The following MYOT variants were observed in gnomAD, a reference collection of about 807,000 sequenced individuals.
MYOT encodes myotilin.
Under a neutral mutation model 58.0 loss-of-function variants are expected in MYOT, and 36 were observed. The ratio of observed to expected loss-of-function variants is 0.62; its 90% CI spans 0.48 to 0.82. The LOEUF is 0.82. Among genes scored for constraint, MYOT ranks in the 40% least tolerant of loss-of-function variants. The pLI is 0.00. For synonymous variants in MYOT, 218 were observed against 204.6 expected (o/e 1.07, Z -0.56); for missense variants, 505 against 592.1 (o/e 0.85, Z 1.53).
At position 137,875,994 on chromosome 5, in the gene MYOT, T is replaced by C. The variant is rs2149982065; in HGVS notation, c.522T>C (p.Asn174=). ...AATGCAAGGACACCCTTCTTCATAA[T>C]GGAAATCAAGTGGGCAAGATGTCTA... ...KLKCKDTLLH[N]GNQRLTYEEK... Residue 174 remains asparagine (N), a synonymous_variant, in exon 3 of 10, where the codon AAT becomes AAC. Transcript: ENST00000239926. 6.2e-7 allele frequency: 1 copy of C among 1,613,958 alleles called. No homozygotes were observed. The highest frequency in any genetic ancestry group is 8.5e-7 in the Non-Finnish European group (1 of 1,179,950).
intron 4 of MYOT, 36 bp from the exon 5 acceptor site, chr5:137,880,780 T>C: frequency 1.9e-6 from 3 of 1,551,522 alleles, no homozygotes. Context: ...AGCTAACAAT[T>C]GCATGTAAAC....
At chr5:137,886,417 A>T (rs910971683) in intron 8 of MYOT, among the ~76,000 whole-genome samples, 1 of 152,228 alleles carries the variant, frequency 6.6e-6, no homozygotes, top group Non-Finnish European at 1.5e-5. Flanking sequence ...TGTAAGGCAT[A>T]AAGTAGACTA....
chr5:137,883,240 T>C (rs1755491397), intron 6 of MYOT, 144 bp from the exon 7 acceptor site: 1 of 680,902 alleles, frequency 1.5e-6, no homozygotes, highest in Non-Finnish European at 2.6e-6. Flanking sequence ...TTTAAAAAAT[T>C]ATAAATACTT....
intron 1 of MYOT, among the ~76,000 whole-genome samples, chr5:137,868,445 C>G (rs1352905538): frequency 6.6e-6 from 1 of 152,056 alleles, no homozygotes; most frequent in Non-Finnish European, 1.5e-5. Context: ...ACAGTAACTA[C>G]AAACATAAAG....
At chr5:137,884,752 C>A (rs1755541759) in intron 7 of MYOT, among the ~76,000 whole-genome samples, 1 of 152,040 alleles carries the variant, frequency 6.6e-6, no homozygotes, top group Non-Finnish European at 1.5e-5. Flanking sequence ...CTTCTGGTCC[C>A]AAGCATTTCA....
chr5:137,871,718 T>G (rs191448427), intron 2 of MYOT, among the ~76,000 whole-genome samples: 3 of 152,224 alleles, frequency 2.0e-5, no homozygotes, highest in African/African-American at 7.2e-5. Context: ...TGTAAACATG[T>G]GCTATTTCCA....
intron 3 of MYOT, 70 bp from the exon 4 acceptor site, chr5:137,877,450 T>A: frequency 1.1e-6 from 1 of 947,610 alleles, no homozygotes. Flanking sequence ...CCTATAGTAG[T>A]GGTTTTAAGG....
At chr5:137,881,022 C>T (rs779574125) in intron 5 of MYOT, among the ~76,000 whole-genome samples, 157 bp downstream of exon 5, 53 of 152,022 alleles carry the variant, frequency 3.5e-4, no homozygotes, top group South Asian at 6.2e-4. Context: ...AAAATTTTGA[C>T]GTTCATCATC....
intron 5 of MYOT, among the ~76,000 whole-genome samples, chr5:137,881,116 A>G (rs1755416341): frequency 6.6e-6 from 1 of 152,208 alleles, no homozygotes; most frequent in Non-Finnish European, 1.5e-5. Context: ...TCTCATGACA[A>G]TGGAGACCTA....
At chr5:137,875,178 T>C (rs749656933) in intron 2 of MYOT, among the ~76,000 whole-genome samples, 1 of 152,070 alleles carries the variant, frequency 6.6e-6, no homozygotes, top group Non-Finnish European at 1.5e-5. Flanking sequence ...AAGAACAAAA[T>C]TACGTCCTTT....
intron 6 of MYOT, chr5:137,882,885 T>C (rs920734518): frequency 2.5e-5 from 4 of 157,752 alleles, no homozygotes; most frequent in African/African-American, 9.6e-5. Context: ...CTCAAGTTAG[T>C]GTTAAAGCTT....
chr5:137,870,813 C>T lies in MYOT; in HGVS notation c.162C>T (p.Ala54=), dbSNP rs1755025934. 1 of 1,614,150 alleles carries T rather than the reference C, an allele frequency of 6.2e-7. No homozygotes were observed. Among genetic ancestry groups the T allele is most frequent in the Non-Finnish European group, 8.5e-7 (1 of 1,180,032 alleles). Residue 54 remains alanine (A), a synonymous_variant, in exon 2 of 10, where the codon GCC becomes GCT. Transcript: ENST00000239926. ...AGTGTACAGAGCAAAGATTTTCTGCCTCCTCAACACTGAGCTCTCACATCA... is the reference window on the plus strand; with the variant it reads ...AGTGTACAGAGCAAAGATTTTCTGCTTCCTCAACACTGAGCTCTCACATCA... The part of the protein sequence containing the change: ...PRQCTEQRFS[A]SSTLSSHITM...
rs1439124724 is a variant in MYOT, at chr5:137,886,205, C to G, written c.1182C>G (p.Asp394Glu). 1.2e-6 allele frequency: 2 copies of G among 1,608,300 alleles called. No homozygotes were observed. Among genetic ancestry groups the G allele is most frequent in the Non-Finnish European group, 1.7e-6 (2 of 1,175,708 alleles). ...ATGAAATGGTACAATTCAACACTGA[C>G]CGAATAAGGTAGGATATGTATTTCT... ...RNNEMVQFNTDRISLYQDNTG... is the reference protein window; with the variant it reads ...RNNEMVQFNTERISLYQDNTG... Residue 394 changes from aspartate (D) to glutamate (E), a missense_variant, in exon 8 of 10, where the codon GAC becomes GAG. Transcript: ENST00000239926.
chr5:137,876,303 TGTCAA>T (rs927716093), intron 3 of MYOT: 3 of 383,330 alleles, frequency 7.8e-6, no homozygotes, highest in Non-Finnish European at 1.4e-5. Context: ...TAGGAATTAC[TGTCAA>T]GTCAACTTAG....
At chr5:137,868,162 CTG>C (rs1754929289) in intron 1 of MYOT, among the ~76,000 whole-genome samples, 1 of 152,132 alleles carries the variant, frequency 6.6e-6, no homozygotes, top group Non-Finnish European at 1.5e-5. Context: ...GGAAAGATAG[CTG>C]TGTGTCATTA....
At chr5:137,879,675 C>T (rs529036963) in intron 4 of MYOT, among the ~76,000 whole-genome samples, 2 of 149,064 alleles carry the variant, frequency 1.3e-5, no homozygotes, top group Non-Finnish European at 3.0e-5. Context: ...CAGGCACCTG[C>T]CACCACACCC....
chr5:137,879,909 T>C (rs1286063835), intron 4 of MYOT, among the ~76,000 whole-genome samples: 1 of 152,172 alleles, frequency 6.6e-6, no homozygotes, highest in African/African-American at 2.4e-5. Flanking sequence ...AATTGACCAG[T>C]TGTCTTGATA....
intron 5 of MYOT, 138 bp from the exon 6 acceptor site, chr5:137,881,835 T>C (rs554138266): frequency 1.2e-6 from 1 of 853,802 alleles, no homozygotes; most frequent in East Asian, 2.7e-5. Context: ...TGAGCTGAGA[T>C]TGGGCCACTG....
In MYOT at chr5:137,869,024, C is replaced by T. The variant is rs57685831; in HGVS notation, c.-212+1071C>T. ...GCATTTCTGTTTTTTCCTAAAATTGCTAGTTTTAATTTAACTCTAAACTAC... is the reference window on the plus strand; with the variant it reads ...GCATTTCTGTTTTTTCCTAAAATTGTTAGTTTTAATTTAACTCTAAACTAC... On this transcript the variant is annotated intron_variant, in intron 1 of 9. Coordinates refer to ENST00000239926, the MANE Select transcript of MYOT (RefSeq NM_006790.3). Among the ~76,000 whole-genome samples, 970 of 146,922 alleles carry T rather than the reference C, an allele frequency of 6.6e-3. 28 individuals are homozygous for T. The highest frequency in any genetic ancestry group is 0.025 in the African/African-American group (903 of 36,584).
Sources: gnomAD v4.1 joint callset for allele counts (sites outside exome capture counted in the v4.1 genomes callset) on GRCh38, gnomAD v4.1.1 for gene constraint, MANE v1.5 for transcripts, NCBI Gene and HGNC (gene_info 2026-07-23, HGNC 2026-07-21) for gene names.